The following FAM168A variants were observed in gnomAD, a reference collection of about 807,000 sequenced individuals.
FAM168A encodes the protein protein FAM168A.
FAM168A carries 3 observed loss-of-function variants against 28.5 expected under a neutral mutation model. That is an observed-to-expected ratio of 0.11 (90% CI 0.05 to 0.27). FAM168A has a LOEUF of 0.27. Among genes scored for constraint, FAM168A ranks in the 10% least tolerant of loss-of-function variants. The probability of loss-of-function intolerance (pLI) is 1.00; values close to 1 mark genes in which losing one functional copy is unlikely to be tolerated. For synonymous variants in FAM168A, 122 were observed against 124.2 expected (o/e 0.98, Z 0.12); for missense variants, 222 against 311.5 (o/e 0.71, Z 2.16).
At chr11:73,556,599 T>C (rs759896235) in intron 1 of FAM168A, among the ~76,000 whole-genome samples, 3 of 151,882 alleles carry the variant, frequency 2.0e-5, no homozygotes, top group Non-Finnish European at 4.4e-5. Context: ...ATCTGTAAGA[T>C]AAAGAGTTTT....
At position 73,407,501 on chromosome 11, in the gene FAM168A, G is replaced by A. The variant is rs776734568; in HGVS notation, c.*18+12C>T. The stretch of plus-strand genomic sequence containing the variant: ...ATCCCCCTCCCACTTCTCTCACCCT[G>A]GCCACACTCACTTGGATGGGCTGCA... On this transcript the variant is annotated intron_variant, in intron 7 of 7. Coordinates refer to ENST00000356467, the MANE Select transcript of FAM168A (RefSeq NM_015159.3). 6.5e-7 allele frequency: 1 copy of A among 1,529,532 alleles called. No homozygotes were observed. The highest frequency in any genetic ancestry group is 8.8e-7 in the Non-Finnish European group (1 of 1,139,902). The allele number at this position is 1,529,532 out of a possible 1,614,324, so 94.7% of individuals were successfully genotyped here. A position where few individuals can be genotyped will look rare whatever the true frequency, so the allele number is the denominator to read the frequency against.
chr11:73,524,816 C>A, intron 1 of FAM168A, among the ~76,000 whole-genome samples: 1 of 152,136 alleles, frequency 6.6e-6, no homozygotes, highest in East Asian at 1.9e-4. Context: ...TCAGGCTGGT[C>A]TCGAACTCCT....
At chr11:73,536,051 T>G (rs1437294951) in intron 1 of FAM168A, among the ~76,000 whole-genome samples, 1 of 152,036 alleles carries the variant, frequency 6.6e-6, no homozygotes, top group African/African-American at 2.4e-5. Context: ...TTCAGTGTGT[T>G]GCCCATGCTG....
intron 1 of FAM168A, among the ~76,000 whole-genome samples, chr11:73,535,039 C>G (rs1463486887): frequency 6.6e-6 from 1 of 152,218 alleles, no homozygotes; most frequent in Non-Finnish European, 1.5e-5. Context: ...TCCGGAGAAT[C>G]TGACCAGCCC....
intron 1 of FAM168A, among the ~76,000 whole-genome samples, chr11:73,592,556 T>A (rs1334077516): frequency 6.6e-6 from 1 of 152,100 alleles, no homozygotes; most frequent in Non-Finnish European, 1.5e-5. Context: ...TATTTTTGTA[T>A]GGCCTGTGAG....
chr11:73,486,446 A>T (rs1053316193), intron 1 of FAM168A, among the ~76,000 whole-genome samples: 14 of 152,228 alleles, frequency 9.2e-5, no homozygotes, highest in African/African-American at 3.4e-4. Flanking sequence ...TTTAAGATGA[A>T]TTATACAATA....
intron 1 of FAM168A, among the ~76,000 whole-genome samples, chr11:73,528,943 C>A (rs779986163): frequency 6.6e-6 from 1 of 152,078 alleles, no homozygotes; most frequent in East Asian, 1.9e-4. Context: ...AGAAAAGAGA[C>A]GCTTAATATT....
chr11:73,471,683 G>C (rs1867815887), intron 1 of FAM168A, among the ~76,000 whole-genome samples: 1 of 152,116 alleles, frequency 6.6e-6, no homozygotes, highest in African/African-American at 2.4e-5. Flanking sequence ...CCCAGTTTGA[G>C]GACCATGCCT....
chr11:73,559,173 C>T (rs1943924933), intron 1 of FAM168A, among the ~76,000 whole-genome samples: 1 of 152,068 alleles, frequency 6.6e-6, no homozygotes, highest in African/African-American at 2.4e-5. Context: ...TTTGGGACGC[C>T]GAGGCAGGTG....
chr11:73,590,330 T>C (rs997172184), intron 1 of FAM168A, among the ~76,000 whole-genome samples: 39 of 152,272 alleles, frequency 2.6e-4, no homozygotes, highest in African/African-American at 7.7e-4. Context: ...TTCAGCCTAG[T>C]AGGTCAAGGC....
At chr11:73,524,513 ATT>A (rs1275545342) in intron 1 of FAM168A, among the ~76,000 whole-genome samples, 1 of 151,672 alleles carries the variant, frequency 6.6e-6, no homozygotes, top group Non-Finnish European at 1.5e-5. Flanking sequence ...CCTCTAATTT[ATT>A]TCTTTCCTCT....
chr11:73,506,995 TAA>T (rs932461294), intron 1 of FAM168A, among the ~76,000 whole-genome samples: 1 of 152,200 alleles, frequency 6.6e-6, no homozygotes, highest in Non-Finnish European at 1.5e-5. Context: ...AAATCACACT[TAA>T]GAGTGTTGCA....
intron 3 of FAM168A, chr11:73,421,004 G>C (rs945786490): frequency 1.4e-5 from 2 of 146,880 alleles, no homozygotes; most frequent in Admixed American, 1.4e-4. Flanking sequence ...AAACATTCTT[G>C]ACTCAAATTA....
At chr11:73,507,285 A>G (rs1307815172) in intron 1 of FAM168A, among the ~76,000 whole-genome samples, 1 of 152,196 alleles carries the variant, frequency 6.6e-6, no homozygotes, top group Non-Finnish European at 1.5e-5. Flanking sequence ...AGACCATTTT[A>G]TAATTTATTT....
At chr11:73,458,617 CT>C (rs201483874) in intron 2 of FAM168A, among the ~76,000 whole-genome samples, 5 of 150,492 alleles carry the variant, frequency 3.3e-5, no homozygotes, top group African/African-American at 1.3e-4. Flanking sequence ...TTCTTTCTTT[CT>C]TTTTTTTGAT....
intron 1 of FAM168A, among the ~76,000 whole-genome samples, chr11:73,567,417 G>T (rs763055694): frequency 6.6e-6 from 1 of 152,110 alleles, no homozygotes; most frequent in Admixed American, 6.5e-5. Flanking sequence ...TCCCCAGTTA[G>T]CAAAATGGTT....
intron 2 of FAM168A, among the ~76,000 whole-genome samples, chr11:73,453,791 C>T (rs187031487): frequency 2.3e-4 from 35 of 152,312 alleles, no homozygotes; most frequent in Admixed American, 2.3e-3. Context: ...CAATGAGAAT[C>T]TATGCAGCAC....
intron 1 of FAM168A, among the ~76,000 whole-genome samples, chr11:73,573,488 C>G (rs748057408): frequency 1.3e-5 from 2 of 152,212 alleles, no homozygotes; most frequent in African/African-American, 2.4e-5. Context: ...CCCATTTTCT[C>G]ATTTCCACTA....
At chr11:73,581,589 A>G (rs534004582) in intron 1 of FAM168A, among the ~76,000 whole-genome samples, 69 of 152,302 alleles carry the variant, frequency 4.5e-4, no homozygotes, top group African/African-American at 1.6e-3. Flanking sequence ...TTGTCCACAC[A>G]TAAGACCTAG....
Sources: gnomAD v4.1 joint callset for allele counts (sites outside exome capture counted in the v4.1 genomes callset) on GRCh38, gnomAD v4.1.1 for gene constraint, MANE v1.5 for transcripts, NCBI Gene and HGNC (gene_info 2026-07-23, HGNC 2026-07-21) for gene names.